The following FA2H variants were observed in gnomAD, a reference collection of about 807,000 sequenced individuals.
FA2H encodes fatty acid 2-hydroxylase, also known as fatty acid alpha-hydroxylase.
Under a neutral mutation model 44.9 loss-of-function variants are expected in FA2H, and 22 were observed. That is an observed-to-expected ratio of 0.49 (90% CI 0.35 to 0.70). The LOEUF (loss-of-function observed/expected upper bound fraction) is 0.70. Ranked by LOEUF, FA2H falls within the 30% of genes least tolerant of loss-of-function variation. The pLI, the probability that FA2H is intolerant of heterozygous loss-of-function variation, is 0.01. For missense variants in FA2H, 501 were observed against 504.9 expected (o/e 0.99, Z 0.07); for synonymous variants, 243 against 213.2 (o/e 1.14, Z -1.22).
At chr16:74,764,434 T>C (rs1221928430) in intron 1 of FA2H, among the ~76,000 whole-genome samples, 1 of 152,180 alleles carries the variant, frequency 6.6e-6, no homozygotes, top group Non-Finnish European at 1.5e-5. Flanking sequence ...TGGATGGAGC[T>C]GGAAGCCATT....
Position 74,726,253 on chromosome 16 carries a change from G to A in FA2H, c.585C>T (p.Asn195=), listed in dbSNP as rs940374724. The A allele has an allele frequency of 1.6e-5, 26 of 1,613,860 alleles. No homozygotes were observed. Among genetic ancestry groups the A allele is most frequent in the Non-Finnish European group, 2.1e-5 (25 of 1,179,786 alleles). Residue 195 remains asparagine (N), a synonymous_variant, in exon 4 of 7, where the codon AAC becomes AAT. Transcript: ENST00000219368. ...TTGTAAATGACGTGAAGAGTCGGAC[G>A]TTGCCCTGGGCAAAGGTTCGGTAGT... ...WSYYRTFAQG[N]VRLFTSFTTE...
chr16:74,758,728 C>A (rs1204682936), intron 1 of FA2H, among the ~76,000 whole-genome samples: 3 of 152,140 alleles, frequency 2.0e-5, no homozygotes, highest in Non-Finnish European at 4.4e-5. Flanking sequence ...GAGCTCGAGA[C>A]TAGCCTGGGC....
At chr16:74,722,843 A>G (rs1251719407) in intron 4 of FA2H, among the ~76,000 whole-genome samples, 1 of 148,994 alleles carries the variant, frequency 6.7e-6, no homozygotes, top group Admixed American at 6.8e-5. Flanking sequence ...CCCGAGAGGC[A>G]GAGGTTGTGG....
In FA2H at chr16:74,716,545, T is replaced by C; in HGVS notation, c.841A>G (p.Ile281Val). 1.2e-6 allele frequency: 2 copies of C among 1,607,342 alleles called. No individual in the cohort carries two copies. Among genetic ancestry groups the C allele is most frequent in the Non-Finnish European group, 1.7e-6 (2 of 1,177,146 alleles). The change falls in exon 6 of 7, where the codon ATC (isoleucine) becomes GTC (valine). Residue 281 changes from isoleucine to valine, a missense_variant. Transcript: ENST00000219368. The part of the protein sequence containing the change: ...VFPPVPASLV[I>V]GVFYLCMQLI... Reference sequence around the variant, plus strand: ...TGCATGCACAAGTAGAAGACGCCGATCACCAGGGAGGCTGGCACAGGGGGG... The same window carrying C: ...TGCATGCACAAGTAGAAGACGCCGACCACCAGGGAGGCTGGCACAGGGGGG...
At chr16:74,743,025 C>T (rs1453068556) in intron 1 of FA2H, among the ~76,000 whole-genome samples, 2 of 152,074 alleles carry the variant, frequency 1.3e-5, no homozygotes, top group South Asian at 4.2e-4. Flanking sequence ...TAATTATTTT[C>T]TTTTTATAGA....
chr16:74,732,423 ATTCTTT>A (rs980675204), intron 2 of FA2H, among the ~76,000 whole-genome samples: 39 of 151,826 alleles, frequency 2.6e-4, no homozygotes, highest in South Asian at 4.2e-4. Context: ...ATGGCATAGG[ATTCTTT>A]TTCTTTTTCT....
intron 2 of FA2H, among the ~76,000 whole-genome samples, chr16:74,728,991 C>T (rs1597548266): frequency 7.8e-6 from 1 of 127,852 alleles, no homozygotes; most frequent in Admixed American, 8.8e-5. Flanking sequence ...TCATGTTGGC[C>T]AGGATGGTCT....
chr16:74,728,664 G>A (rs187985330), intron 2 of FA2H, among the ~76,000 whole-genome samples: 5 of 152,076 alleles, frequency 3.3e-5, no homozygotes, highest in Admixed American at 1.3e-4. Flanking sequence ...AAGGATGTAC[G>A]TGTACTCCAT....
At chr16:74,759,241 A>G (rs1181128835) in intron 1 of FA2H, among the ~76,000 whole-genome samples, 1 of 152,218 alleles carries the variant, frequency 6.6e-6, no homozygotes, top group Non-Finnish European at 1.5e-5. Flanking sequence ...CATACTACAC[A>G]CGTTTCATTC....
At chr16:74,739,707 G>A (rs1316911808) in intron 2 of FA2H, among the ~76,000 whole-genome samples, 2 of 152,204 alleles carry the variant, frequency 1.3e-5, no homozygotes, top group Non-Finnish European at 2.9e-5. Flanking sequence ...GGCCTGCCAA[G>A]CCTGTCACAG....
chr16:74,727,120 C>T, intron 3 of FA2H, 124 bp downstream of exon 3: 1 of 1,339,754 alleles, frequency 7.5e-7, no homozygotes, highest in Non-Finnish European at 1.0e-6. Context: ...TCCTCCCTCC[C>T]TGACAGCTTT....
intron 1 of FA2H, among the ~76,000 whole-genome samples, chr16:74,770,961 G>C (rs1962894739): frequency 6.6e-6 from 1 of 152,160 alleles, no homozygotes; most frequent in African/African-American, 2.4e-5. Context: ...CATCAGACAA[G>C]GCAAACCATG....
intron 1 of FA2H, among the ~76,000 whole-genome samples, chr16:74,769,224 C>T (rs913140627): frequency 6.6e-6 from 1 of 152,182 alleles, no homozygotes; most frequent in Non-Finnish European, 1.5e-5. Flanking sequence ...TCCCAAGTAG[C>T]TGGGACCACA....
intron 6 of FA2H, among the ~76,000 whole-genome samples, chr16:74,715,374 C>T (rs1961671162): frequency 6.6e-6 from 1 of 151,626 alleles, no homozygotes; most frequent in Admixed American, 6.6e-5. Flanking sequence ...TCATTGCTGC[C>T]TCAAACTCCT....
intron 5 of FA2H, 194 bp from the exon 6 acceptor site, chr16:74,716,793 T>C (rs1341539807): frequency 1.6e-6 from 1 of 617,652 alleles, no homozygotes; most frequent in African/African-American, 1.9e-5. Context: ...TTACTTCCCA[T>C]TTGTGAGCCA....
chr16:74,762,338 C>T (rs913636965), intron 1 of FA2H, among the ~76,000 whole-genome samples: 10 of 152,166 alleles, frequency 6.6e-5, no homozygotes, highest in African/African-American at 1.2e-4. Flanking sequence ...CCACCGTGCC[C>T]GGCCCATACA....
At chr16:74,763,070 G>A (rs1962742413) in intron 1 of FA2H, among the ~76,000 whole-genome samples, 1 of 152,168 alleles carries the variant, frequency 6.6e-6, no homozygotes, top group South Asian at 2.1e-4. Context: ...AGTCCAGCGA[G>A]GTGCTCCTTA....
intron 2 of FA2H, among the ~76,000 whole-genome samples, chr16:74,735,966 G>C (rs549154370): frequency 6.6e-6 from 1 of 152,310 alleles, no homozygotes; most frequent in South Asian, 2.1e-4. Context: ...CTGGGTAACA[G>C]AGTGAGAACC....
rs1013950353 is a variant in FA2H at position 74,742,571 on chromosome 16, T to A, written c.271-2456A>T. 3.3e-5 allele frequency among the ~76,000 whole-genome samples: 5 copies of A among 152,204 alleles called. No homozygotes were observed. The South Asian group carries it at 1.0e-3, about 31-fold the overall frequency. ...TTTCAAAGGCAGGCACGGTAGCCGA[T>A]GCCTGCAATCCCAGCACTTTGGGAG... On this transcript the variant is annotated intron_variant, in intron 1 of 6. Transcript: ENST00000219368.
Sources: gnomAD v4.1 joint callset for allele counts (sites outside exome capture counted in the v4.1 genomes callset) on GRCh38, gnomAD v4.1.1 for gene constraint, MANE v1.5 for transcripts, NCBI Gene and HGNC (gene_info 2026-07-23, HGNC 2026-07-21) for gene names.